The following RELN variants were observed in gnomAD, a reference collection of about 807,000 sequenced individuals.
RELN encodes reelin.
In RELN, 108 loss-of-function variants were observed where a neutral mutation model predicts 427.6. The ratio of observed to expected loss-of-function variants is 0.25; its 90% CI spans 0.22 to 0.30. The LOEUF is 0.30. Among genes scored for constraint, RELN ranks in the 10% least tolerant of loss-of-function variants. RELN has a pLI of 1.00. For synonymous variants in RELN, 1,524 were observed against 1,513.4 expected, an observed-to-expected ratio of 1.01 and a Z score of -0.16; for missense variants, 3,715 against 4,302.8, an observed-to-expected ratio of 0.86 and a Z score of 3.82.
At chr7:103,534,084 C>T (rs759049941) in intron 46 of RELN, among the ~76,000 whole-genome samples, 2 of 152,166 alleles carry the variant, frequency 1.3e-5, no homozygotes. Context: ...CTGAAACCAT[C>T]CCATTTATGA....
intron 4 of RELN, among the ~76,000 whole-genome samples, chr7:103,765,602 T>C (rs929731700): frequency 6.6e-6 from 1 of 152,230 alleles, no homozygotes; most frequent in Non-Finnish European, 1.5e-5. Context: ...AAATAATATT[T>C]CACAAGTCAA....
intron 24 of RELN, among the ~76,000 whole-genome samples, chr7:103,598,365 G>A (rs987059725): frequency 6.6e-6 from 1 of 152,144 alleles, no homozygotes; most frequent in Non-Finnish European, 1.5e-5. Flanking sequence ...TATTGTAAGT[G>A]AGAACAACTC....
At chr7:103,505,861 G>A (rs1443252988) in intron 51 of RELN, among the ~76,000 whole-genome samples, 1 of 152,204 alleles carries the variant, frequency 6.6e-6, no homozygotes, top group Non-Finnish European at 1.5e-5. Flanking sequence ...TAGAGGGACT[G>A]CTAACTAGAA....
chr7:103,919,574 C>G (rs1045040618), intron 1 of RELN, among the ~76,000 whole-genome samples: 2 of 152,122 alleles, frequency 1.3e-5, no homozygotes, highest in African/African-American at 4.8e-5. Flanking sequence ...GGGCCCTCTC[C>G]CCCAACCTAA....
rs1041669827 is a variant in RELN at position 103,611,516 on chromosome 7, C to T, written c.2895+95G>A. 1.3e-5 allele frequency: 12 copies of T among 946,058 alleles called. No homozygotes were observed. The Admixed American group carries it at 1.7e-4, about 14-fold the overall frequency. 58.6% of individuals were successfully genotyped at this position (946,058 alleles called of 1,614,324 possible). A position where few individuals can be genotyped will look rare whatever the true frequency, so the allele number is the denominator to read the frequency against. ...ATAACACTGTTTCTTTTCAACCAAA[C>T]CTAAACTTCTAGAACTGTAATTTTT... is the stretch of plus-strand genomic sequence containing the variant. On this transcript the variant is annotated intron_variant, in intron 21 of 64. Transcript: ENST00000428762.
intron 2 of RELN, among the ~76,000 whole-genome samples, chr7:103,912,161 C>T (rs1046409422): frequency 8.5e-6 from 1 of 117,576 alleles, no homozygotes; most frequent in Non-Finnish European, 2.0e-5. Context: ...TCACTACATT[C>T]CCCCCCAACT....
At chr7:103,719,520 T>C (rs1336346233) in intron 8 of RELN, among the ~76,000 whole-genome samples, 1 of 152,158 alleles carries the variant, frequency 6.6e-6, no homozygotes, top group Non-Finnish European at 1.5e-5. Flanking sequence ...CGTTCTGTTT[T>C]CTCACTTATT....
chr7:103,489,668 A>C (rs556851261), intron 60 of RELN, 74 bp downstream of exon 60: 1 of 1,536,326 alleles, frequency 6.5e-7, no homozygotes, highest in Admixed American at 1.9e-5. Context: ...TTCCTAGTGG[A>C]CTTTTGTATA....
In RELN at chr7:103,573,389, T is replaced by C. The variant is rs1830927535; in HGVS notation, c.4511+703A>G. ...ACGATGTAAATTATGCCTCAGTCCATAGCGACTGACAGAGAGTACCTGCTT... is the reference window on the plus strand; with the variant it reads ...ACGATGTAAATTATGCCTCAGTCCACAGCGACTGACAGAGAGTACCTGCTT... On this transcript the variant is annotated intron_variant, in intron 30 of 64. Transcript: ENST00000428762. The surrounding 1 kb of genome is among the most constrained non-coding windows in gnomAD (Gnocchi z 4.4). Among the ~76,000 whole-genome samples the C allele has an allele frequency of 6.6e-6, 1 of 152,240 alleles. No individual in the cohort carries two copies.
chr7:103,885,778 C>G (rs1258026652), intron 2 of RELN, among the ~76,000 whole-genome samples: 1 of 152,154 alleles, frequency 6.6e-6, no homozygotes, highest in East Asian at 1.9e-4. Flanking sequence ...TTCACACTCT[C>G]ATTACCCACT....
intron 6 of RELN, among the ~76,000 whole-genome samples, chr7:103,741,129 A>G (rs1790642981): frequency 6.6e-6 from 1 of 152,200 alleles, no homozygotes; most frequent in Non-Finnish European, 1.5e-5. Flanking sequence ...CAAGTGACAA[A>G]ACATGTAGCA....
intron 11 of RELN, among the ~76,000 whole-genome samples, chr7:103,672,902 G>C (rs1354820907): frequency 6.6e-6 from 1 of 151,746 alleles, no homozygotes; most frequent in Non-Finnish European, 1.5e-5. Flanking sequence ...ATCCCTTTTT[G>C]GTCTTTTAAT....
At chr7:103,564,818 T>C (rs1830712974) in intron 34 of RELN, among the ~76,000 whole-genome samples, 2 of 151,930 alleles carry the variant, frequency 1.3e-5, no homozygotes, top group African/African-American at 4.8e-5. Context: ...TCAGTACAAC[T>C]CTTGAATGTG....
chr7:103,762,226 G>A (rs1448134179), intron 4 of RELN, among the ~76,000 whole-genome samples: 1 of 152,116 alleles, frequency 6.6e-6, no homozygotes, highest in Non-Finnish European at 1.5e-5. Context: ...GGTGAGTGCT[G>A]GAGCAGCCAG....
At chr7:103,832,649 A>G (rs1584277787) in intron 3 of RELN, among the ~76,000 whole-genome samples, 1 of 152,164 alleles carries the variant, frequency 6.6e-6, no homozygotes, top group African/African-American at 2.4e-5. Context: ...GTCCACATCA[A>G]CAGATGTTAC....
chr7:103,515,098 G>C, intron 50 of RELN, 87 bp downstream of exon 50: 5 of 1,530,378 alleles, frequency 3.3e-6, no homozygotes, highest in Admixed American at 1.7e-5. Context: ...ATCTGAAAAG[G>C]TTCCATATTT....
At chr7:103,902,120 T>G (rs756272712) in intron 2 of RELN, among the ~76,000 whole-genome samples, 12 of 151,924 alleles carry the variant, frequency 7.9e-5, no homozygotes, top group African/African-American at 1.2e-4. Flanking sequence ...AAAGGGATAA[T>G]AAGAAGAAAG....
intron 3 of RELN, among the ~76,000 whole-genome samples, chr7:103,781,526 G>A (rs1400491237): frequency 6.6e-6 from 1 of 151,870 alleles, no homozygotes; most frequent in Non-Finnish European, 1.5e-5. Context: ...TCGTTTTTGT[G>A]GTGAGATCCA....
intron 42 of RELN, 69 bp from the exon 43 acceptor site, chr7:103,542,947 G>T: frequency 6.8e-7 from 1 of 1,477,308 alleles, no homozygotes. Context: ...ATTTTTAAAA[G>T]GAGTATGGTA....
Sources: allele counts gnomAD v4.1 joint callset (sites outside exome capture counted in the v4.1 genomes callset), GRCh38; gene constraint gnomAD v4.1.1; non-coding constraint Gnocchi (gnomAD v3.1); transcripts MANE v1.5; gene names NCBI Gene and HGNC (gene_info 2026-07-23, HGNC 2026-07-21).